Variants in POU6F2 observed in about 807,000 individuals in gnomAD.
POU6F2 encodes the protein POU class 6 homeobox 2, also known as POU domain, class 6, transcription factor 2.
Under a neutral mutation model 71.3 loss-of-function variants are expected in POU6F2, and 31 were observed. The ratio of observed to expected loss-of-function variants is 0.43; its 90% confidence interval spans 0.33 to 0.59. The LOEUF (loss-of-function observed/expected upper bound fraction) is 0.59. POU6F2 is among the 20% of genes least tolerant of loss of function. The probability of loss-of-function intolerance (pLI) is 0.04; values close to 1 mark genes in which losing one functional copy is unlikely to be tolerated. For missense variants in POU6F2, 783 were observed against 856.8 expected (o/e 0.91, Z 1.07); for synonymous variants, 347 against 355.7 (o/e 0.98, Z 0.27).
chr7:39,156,868 C>T (rs1298062013), intron 2 of POU6F2, among the ~76,000 whole-genome samples: 4 of 152,168 alleles, frequency 2.6e-5, no homozygotes, highest in Admixed American at 1.3e-4. Context: ...GCACCACATA[C>T]GTGCACAAAC....
Position 39,180,918 on chromosome 7 carries a change from C to G in POU6F2, c.278-23317C>G, listed in dbSNP as rs73365587. Among the ~76,000 whole-genome samples the G allele has an allele frequency of 7.6e-3, 1,161 of 152,214 alleles. 9 individuals are homozygous for G. Among genetic ancestry groups the G allele is most frequent in the African/African-American group, 0.027 (1,116 of 41,518 alleles). On this transcript the variant is annotated intron_variant, in intron 2 of 9. Transcript: ENST00000518318. ...GTTCTCATTGACTAAGCATCAGTGT[C>G]AACTAAGGCACTTTAAATAATACTA...
intron 4 of POU6F2, among the ~76,000 whole-genome samples, chr7:39,228,458 G>C (rs1284869567): frequency 6.6e-6 from 1 of 152,178 alleles, no homozygotes. Context: ...GGGTGCTGAT[G>C]TAGCATTTAA....
rs1443131522 is a variant in POU6F2, at chr7:39,204,256, T to C, written c.299T>C (p.Leu100Ser). ...CCAGGGGCTAGAGGAAACCCAGCATTATCAGACCCAGGCACTCCTGACCAA... is the reference window on the plus strand; with the variant it reads ...CCAGGGGCTAGAGGAAACCCAGCATCATCAGACCCAGGCACTCCTGACCAA... Reference protein sequence around the residue: ...KLFGARGNPALSDPGTPDQHQ... With the variant: ...KLFGARGNPASSDPGTPDQHQ... The change falls in exon 3 of 10, where the codon TTA becomes TCA. Residue 100 changes from leucine to serine, a missense_variant. Around this residue, in one of 2 missense-constraint regions of POU6F2, gnomAD observed 572 missense variants for 572.9 expected, o/e 1.00. Transcript: ENST00000518318. 6.2e-7 allele frequency: 1 copy of C among 1,613,842 alleles called. No individual in the cohort carries two copies. Among genetic ancestry groups the C allele is most frequent in the East Asian group, 2.2e-5 (1 of 44,866 alleles).
intron 2 of POU6F2, 66 bp downstream of exon 2, chr7:39,086,097 C>A (rs1486267326): frequency 3.4e-6 from 5 of 1,468,218 alleles, no homozygotes; most frequent in Non-Finnish European, 4.6e-6. Flanking sequence ...CCAACCCCCC[C>A]AACCCCCCCT....
chr7:39,188,762 C>T (rs374063235), intron 2 of POU6F2, among the ~76,000 whole-genome samples: 2 of 152,204 alleles, frequency 1.3e-5, no homozygotes, highest in African/African-American at 2.4e-5. Context: ...ATAAACAACC[C>T]GTCTAAGGAT....
rs573787076 is a variant in POU6F2 at position 39,237,602 on chromosome 7, C to G, written c.598+29982C>G. ...GCTATGGACACTTGTAGAAAGGTGT[C>G]CATAGATGGAGGCCTGGACATTTTT... On this transcript the variant is annotated intron_variant, in intron 4 of 9. Transcript: ENST00000518318. Among the ~76,000 whole-genome samples, 6 of 152,156 alleles carry G rather than the reference C, an allele frequency of 3.9e-5. No individual in the cohort carries two copies. The South Asian group carries it at 1.2e-3, about 32-fold the overall frequency.
intron 1 of POU6F2, among the ~76,000 whole-genome samples, chr7:39,042,590 A>G (rs1790212321): frequency 6.6e-6 from 1 of 151,990 alleles, no homozygotes. Context: ...TGAGATTTTG[A>G]AGTGAAGTTG....
At chr7:39,232,198 A>T (rs973628836) in intron 4 of POU6F2, among the ~76,000 whole-genome samples, 3 of 152,212 alleles carry the variant, frequency 2.0e-5, no homozygotes, top group African/African-American at 7.2e-5. Context: ...TATGATGTTT[A>T]TGATTACATG....
chr7:39,296,595 C>T (rs1784848920), intron 4 of POU6F2, among the ~76,000 whole-genome samples: 1 of 152,186 alleles, frequency 6.6e-6, no homozygotes, highest in Non-Finnish European at 1.5e-5. Context: ...CTGACTCCCT[C>T]CCACTGCACA....
At chr7:39,328,146 C>T (rs923124281) in intron 4 of POU6F2, among the ~76,000 whole-genome samples, 2 of 152,204 alleles carry the variant, frequency 1.3e-5, no homozygotes, top group African/African-American at 4.8e-5. Flanking sequence ...GTCTTGATCT[C>T]CTGACCTCGT....
At position 39,307,056 on chromosome 7, in the gene POU6F2, A is replaced by G. The variant is rs188290252; in HGVS notation, c.599-32586A>G. On this transcript the variant is annotated intron_variant, in intron 4 of 9. Coordinates refer to ENST00000518318, the MANE Select transcript of POU6F2 (RefSeq NM_001370959.1). ...GGACATTGGATTGTTCAGATGTCCAAGAGACCCACCAAATGATGGCTTGAG... is the reference window on the plus strand; with the variant it reads ...GGACATTGGATTGTTCAGATGTCCAGGAGACCCACCAAATGATGGCTTGAG... 2.0e-5 allele frequency among the ~76,000 whole-genome samples: 3 copies of G among 152,388 alleles called. No homozygotes were observed. The East Asian group carries it at 5.8e-4, about 29-fold the overall frequency.
chr7:39,366,734 G>A (rs1025255954), intron 5 of POU6F2, among the ~76,000 whole-genome samples: 4 of 152,100 alleles, frequency 2.6e-5, no homozygotes, highest in Non-Finnish European at 5.9e-5. Flanking sequence ...TGAGGAGTTG[G>A]GCAACTTGGC....
intron 4 of POU6F2, among the ~76,000 whole-genome samples, chr7:39,276,577 A>G (rs1040207407): frequency 2.0e-5 from 3 of 151,354 alleles, no homozygotes; most frequent in African/African-American, 4.9e-5. Flanking sequence ...ACTATAAATC[A>G]TGCTGCTATA....
In POU6F2 at chr7:39,024,899, C is replaced by T. The variant is rs185933837; in HGVS notation, c.105+46841C>T. Among the ~76,000 whole-genome samples, 992 of 152,106 alleles carry T rather than the reference C, an allele frequency of 6.5e-3. 6 individuals are homozygous for T. Among genetic ancestry groups the T allele is most frequent in the Non-Finnish European group, 0.012 (785 of 67,998 alleles). ...AAGCTTTTTGATGTGCTGCTGGATT[C>T]GTTTTGCCAGTATTTTATTGAGGAT... On this transcript the variant is annotated intron_variant, in intron 1 of 9. Transcript: ENST00000518318.
intron 6 of POU6F2, among the ~76,000 whole-genome samples, chr7:39,418,945 A>ATGTATATATGTATATATATG (rs1168616991): frequency 4.8e-5 from 4 of 83,180 alleles, no homozygotes; most frequent in African/African-American, 9.8e-5. Flanking sequence ...ATGTGTATAT[A>ATGTATATATGTATATATATG]TGTATATATG....
chr7:39,086,957 G>A (rs1215230690), intron 2 of POU6F2, among the ~76,000 whole-genome samples: 2 of 151,482 alleles, frequency 1.3e-5, no homozygotes, highest in African/African-American at 2.4e-5. Flanking sequence ...TTTCAAGTGC[G>A]TGTGTGTGCA....
chr7:39,205,382 C>T (rs565964294), intron 3 of POU6F2, among the ~76,000 whole-genome samples: 1 of 152,102 alleles, frequency 6.6e-6, no homozygotes, highest in Non-Finnish European at 1.5e-5. Flanking sequence ...CACTCTAATG[C>T]CTTCAGGTTG....
At chr7:39,256,230 C>T (rs980531423) in intron 4 of POU6F2, among the ~76,000 whole-genome samples, 1 of 151,924 alleles carries the variant, frequency 6.6e-6, no homozygotes, top group East Asian at 1.9e-4. Context: ...TTTCATAAAG[C>T]ATGTGACCTT....
intron 4 of POU6F2, among the ~76,000 whole-genome samples, chr7:39,315,842 T>A (rs1018004168): frequency 1.3e-5 from 2 of 152,230 alleles, no homozygotes; most frequent in Non-Finnish European, 2.9e-5. Context: ...ATAACACCCA[T>A]GTGGAGTGAC....
Sources: gnomAD v4.1 joint callset for allele counts (sites outside exome capture counted in the v4.1 genomes callset) on GRCh38, gnomAD v4.1.1 for gene constraint, gnomAD v4.1.1 regional missense constraint, MANE v1.5 for transcripts, NCBI Gene and HGNC (gene_info 2026-07-23, HGNC 2026-07-21) for gene names.